The following F8 variants were observed in gnomAD, a reference collection of about 807,000 sequenced individuals.
The protein encoded by F8 is antihemophilic factor.
F8 carries 12 observed loss-of-function variants against 140.6 expected under a neutral mutation model. The ratio of observed to expected loss-of-function variants is 0.09; its 90% CI spans 0.05 to 0.14. The LOEUF is 0.14. F8 is among the 10% of genes least tolerant of loss of function. The probability of loss-of-function intolerance (pLI) is 1.00; values close to 1 mark genes in which losing one functional copy is unlikely to be tolerated. For synonymous variants in F8, 585 were observed against 614.6 expected (o/e 0.95, Z 0.71); for missense variants, 1,354 against 1,720.7 (o/e 0.79, Z 3.77).
chrX:154,916,656 C>T, intron 14 of F8, among the ~76,000 whole-genome samples: 1 of 111,103 alleles, frequency 9.0e-6, no homozygotes, highest in Non-Finnish European at 1.9e-5. Context: ...CTCTTTTCAT[C>T]TTTGATTTCA....
At chrX:154,889,225 CTCTT>C (rs1179092701) in intron 22 of F8, among the ~76,000 whole-genome samples, 1 of 106,596 alleles carries the variant, frequency 9.4e-6, no homozygotes, top group Non-Finnish European at 1.9e-5. Flanking sequence ...ACCATCATTC[CTCTT>C]TCTCTCACTT....
intron 25 of F8, among the ~76,000 whole-genome samples, chrX:154,860,231 C>A (rs2072679184): frequency 1.8e-5 from 2 of 111,632 alleles, no homozygotes; most frequent in Non-Finnish European, 3.8e-5. Context: ...ATCTACTCTG[C>A]CCTTTTCTCA....
chrX:155,013,891 C>T (rs1557286847), intron 1 of F8, among the ~76,000 whole-genome samples: 1 of 111,243 alleles, frequency 9.0e-6, no homozygotes, highest in East Asian at 2.8e-4. Flanking sequence ...AGAGAACCTT[C>T]TCTCTTCTTA....
chrX:154,929,290 C>T lies in F8; in HGVS notation c.4500G>A (p.Pro1500=), dbSNP rs33921347. Residue 1500 remains proline, a synonymous_variant, in exon 14 of 26, where the codon CCG becomes CCA. Transcript: ENST00000360256. ...CAGATGTTTTGGGCAAGTCTGGTTT[C>T]GGGAGAACAGTGTTCTCAACTTTCT... The part of the protein sequence containing the change: ...TYKKVENTVL[P]KPDLPKTSGK... The T allele has an allele frequency of 2.5e-3, 2,973 of 1,210,190 alleles. 49 individuals are homozygous for T. The African/African-American group carries it at 0.047, about 19-fold the overall frequency.
In F8 at chrX:154,931,255, G is replaced by T. The variant is rs200316756; in HGVS notation, c.2535C>A (p.Asp845Glu). 2.7e-5 allele frequency: 33 copies of T among 1,209,378 alleles called. No homozygotes were observed. The East Asian group carries it at 8.6e-4, about 31-fold the overall frequency. ...TCATTTCAGACAGGCTGTTATTACTGTCTATTGCTCCAGGTGATGGATCAT... is the reference window on the plus strand; with the variant it reads ...TCATTTCAGACAGGCTGTTATTACTTTCTATTGCTCCAGGTGATGGATCAT... ...FSDDPSPGAIDSNNSLSEMTH... is the reference protein window; with the variant it reads ...FSDDPSPGAIESNNSLSEMTH... Residue 845 changes from aspartate to glutamate, a missense_variant, in exon 14 of 26, where the codon GAC becomes GAA. This residue lies in a region of F8 where 658 missense variants were observed against 666.5 expected (regional missense o/e 0.99). Coordinates refer to ENST00000360256, the MANE Select transcript of F8 (RefSeq NM_000132.4).
intron 13 of F8, among the ~76,000 whole-genome samples, chrX:154,932,420 T>C (rs1557278921): frequency 8.9e-6 from 1 of 111,927 alleles, no homozygotes; most frequent in East Asian, 2.8e-4. Context: ...GTAAAGTAGA[T>C]GCATAAACAT....
chrX:154,863,325 T>C (rs1557272996), intron 22 of F8, 98 bp from the exon 23 acceptor site: 3 of 797,448 alleles, frequency 3.8e-6, no homozygotes, highest in Non-Finnish European at 5.7e-6. Flanking sequence ...TTTGTGCGTT[T>C]CTCAACAGCA....
In F8 at chrX:154,982,038, G is replaced by GCCGC. The variant is rs1557283662; in HGVS notation, c.787+2648_787+2649insGCGG. The stretch of plus-strand genomic sequence containing the variant: ...ATCTCTACTAAAACTACAAAAATTA[G>GCCGC]GTGGGCGTGGTGGCACATGCCTGTA... On this transcript the variant is annotated intron_variant, in intron 6 of 25. Coordinates refer to ENST00000360256, the MANE Select transcript of F8 (RefSeq NM_000132.4). 3.7e-5 allele frequency among the ~76,000 whole-genome samples: 4 copies of GCCGC among 108,394 alleles called. No individual in the cohort carries two copies. In the East Asian group the frequency reaches 1.2e-3, roughly 31 times the overall value. 94.1% of individuals were successfully genotyped at this position (108,394 alleles called of 115,157 possible).
At chrX:155,005,125 AAG>A (rs1229659626) in intron 1 of F8, among the ~76,000 whole-genome samples, 1 of 111,579 alleles carries the variant, frequency 9.0e-6, no homozygotes, top group Non-Finnish European at 1.9e-5. Context: ...TGGACACACC[AAG>A]AGTCTCATTA....
chrX:154,995,266 G>A (rs1454015993), intron 3 of F8, among the ~76,000 whole-genome samples: 1 of 112,130 alleles, frequency 8.9e-6, no homozygotes, highest in Non-Finnish European at 1.9e-5. Flanking sequence ...GGTTCAATGA[G>A]AGGCTAACAA....
At chrX:154,875,389 G>A (rs1233600149) in intron 22 of F8, among the ~76,000 whole-genome samples, 1 of 111,946 alleles carries the variant, frequency 8.9e-6, no homozygotes, top group African/African-American at 3.3e-5. Context: ...AGGTAGCTAG[G>A]CAAAGAGATA....
intron 22 of F8, among the ~76,000 whole-genome samples, chrX:154,864,824 G>C (rs1001166453): frequency 9.0e-6 from 1 of 111,034 alleles, no homozygotes; most frequent in Non-Finnish European, 1.9e-5. Context: ...ATGAGAAAGA[G>C]TGAAGGAAGA....
In F8 at chrX:154,930,679, T is replaced by C; in HGVS notation, c.3111A>G (p.Pro1037=). The change falls in exon 14 of 26, where the codon CCA becomes CCG. Residue 1037 remains proline, a synonymous_variant. Coordinates refer to ENST00000360256, the MANE Select transcript of F8 (RefSeq NM_000132.4). The stretch of plus-strand genomic sequence containing the variant: ...ATGGACTATTCTCAATTAATAATGA[T>C]GGGCCATCAATGTGAGTCTTTCTAT... ...ATNRKTHIDG[P]SLLIENSPSV... 2 of 1,209,879 alleles carry C rather than the reference T, an allele frequency of 1.7e-6. No homozygotes were observed. The highest frequency in any genetic ancestry group is 1.7e-5 in the African/African-American group (1 of 57,821).
At chrX:154,999,330 G>T in intron 2 of F8, 149 bp downstream of exon 2, 1 of 580,729 alleles carries the variant, frequency 1.7e-6, no homozygotes, top group Admixed American at 2.9e-5. Context: ...GACAGAAAAT[G>T]CAGTCAGTGT....
intron 13 of F8, among the ~76,000 whole-genome samples, chrX:154,945,576 G>A (rs1221672232): frequency 2.7e-5 from 3 of 111,728 alleles, no homozygotes; most frequent in African/African-American, 6.5e-5. Context: ...AACAAACTGG[G>A]TATAGAAAGC....
chrX:154,984,840 C>A (rs782065864), intron 5 of F8, 37 bp from the exon 6 acceptor site: 2 of 1,029,109 alleles, frequency 1.9e-6, no homozygotes, highest in Non-Finnish European at 2.7e-6. Flanking sequence ...GTCAGCTAAG[C>A]ATGTGTCTCA....
In F8 at chrX:154,837,635, T is replaced by A; in HGVS notation, c.7018A>T (p.Met2340Leu). The A allele has an allele frequency of 8.3e-7, 1 of 1,208,738 alleles. No homozygotes were observed. The highest frequency in any genetic ancestry group is 1.1e-6 in the Non-Finnish European group (1 of 894,106). Residue 2340 changes from methionine (M) to leucine (L), a missense_variant, in exon 26 of 26, where the codon ATG becomes TTG. Transcript: ENST00000360256. ...QSWVHQIALR[M>L]EVLGCEAQDL... ...TGTGCCTCGCAGCCCAGAACCTCCA[T>A]CCTCAGGGCAATCTGGTGCACCCAA...
In F8 at chrX:154,931,692, A is replaced by G; in HGVS notation, c.2114-16T>C. 1 of 1,172,771 alleles carries G rather than the reference A, an allele frequency of 8.5e-7. No individual in the cohort carries two copies. The highest frequency in any genetic ancestry group is 1.2e-6 in the Non-Finnish European group (1 of 860,624). On this transcript the variant is annotated splice_polypyrimidine_tract_variant and intron_variant, in intron 13 of 25. Transcript: ENST00000360256. ...ATCCATAGACCTGGAGATGAGGAAG[A>G]ATAAGACTCTGGTTACTCATAACAC...
At chrX:154,998,394 G>T (rs1243541811) in intron 2 of F8, among the ~76,000 whole-genome samples, 2 of 113,105 alleles carry the variant, frequency 1.8e-5, no homozygotes, top group African/African-American at 3.2e-5. Context: ...GTGGAAAGGA[G>T]GGGGGAGGGT....
Sources: allele counts gnomAD v4.1 joint callset (sites outside exome capture counted in the v4.1 genomes callset), GRCh38; gene constraint gnomAD v4.1.1; regional missense constraint gnomAD v4.1.1; transcripts MANE v1.5; gene names NCBI Gene and HGNC (gene_info 2026-07-23, HGNC 2026-07-21).